The following ANO1 variants were observed in gnomAD, a reference collection of about 807,000 sequenced individuals.
ANO1 encodes the protein anoctamin-1.
ANO1 carries 59 observed loss-of-function variants against 124.0 expected under a neutral mutation model. That is an observed-to-expected ratio of 0.48 (90% CI 0.39 to 0.59). ANO1 has a LOEUF of 0.59. ANO1 is among the 20% of genes least tolerant of loss of function. ANO1 has a pLI of 0.00. For synonymous variants in ANO1, 529 were observed against 532.0 expected (o/e 0.99, Z 0.08); for missense variants, 1,059 against 1,328.0 (o/e 0.80, Z 3.15).
At chr11:70,010,055 G>C (rs1856562186) in intron 1 of ANO1, among the ~76,000 whole-genome samples, 1 of 151,292 alleles carries the variant, frequency 6.6e-6, no homozygotes, top group Admixed American at 6.6e-5. Flanking sequence ...ACTTCCCTTA[G>C]AATAATGATC....
chr11:70,028,012 G>A (rs2046997), intron 1 of ANO1, among the ~76,000 whole-genome samples: 117,165 of 152,180 alleles, frequency 0.77, 45,428 homozygotes, highest in East Asian at 0.94. Flanking sequence ...GGTTTTTTAA[G>A]AAGCATTTTC....
At chr11:70,145,890 T>A (rs2047353787) in intron 11 of ANO1, among the ~76,000 whole-genome samples, 1 of 137,652 alleles carries the variant, frequency 7.3e-6, no homozygotes, top group Admixed American at 8.3e-5. Context: ...TGAGCTGAGA[T>A]CACACCACTG....
intron 1 of ANO1, among the ~76,000 whole-genome samples, chr11:69,989,460 G>T (rs1856112220): frequency 6.6e-6 from 1 of 152,040 alleles, no homozygotes; most frequent in Non-Finnish European, 1.5e-5. Context: ...TCTTGAGTGT[G>T]CTGGATGGAT....
intron 1 of ANO1, chr11:70,018,086 G>A (rs1381286043): frequency 5.3e-5 from 8 of 152,168 alleles, no homozygotes; most frequent in African/African-American, 1.9e-4. Flanking sequence ...CAGGCATGGT[G>A]GCTCATGCCT....
intron 4 of ANO1, 149 bp from the exon 5 acceptor site, chr11:70,105,585 C>T (rs890199382): frequency 2.5e-5 from 17 of 693,866 alleles, no homozygotes; most frequent in Admixed American, 1.4e-4. Context: ...TGCCCAGGGG[C>T]GGACGGGTCA....
intron 11 of ANO1, 47 bp downstream of exon 11, chr11:70,132,126 G>C (rs1003801335): frequency 9.8e-6 from 15 of 1,537,434 alleles, no homozygotes; most frequent in Non-Finnish European, 1.3e-5. Context: ...TGGTGAGTCT[G>C]AGTGGTACCT....
chr11:70,030,032 C>T (rs1228332089), intron 1 of ANO1, among the ~76,000 whole-genome samples: 1 of 152,168 alleles, frequency 6.6e-6, no homozygotes, highest in African/African-American at 2.4e-5. Flanking sequence ...CAAATGGCTC[C>T]TAGGTGGTGC....
the ANO1 span, among the ~76,000 whole-genome samples, chr11:69,968,749 GGGGGCTC>G: frequency 6.6e-6 from 1 of 152,218 alleles, no homozygotes; most frequent in Non-Finnish European, 1.5e-5. Context: ...CAAGGGCAGA[GGGGGCTC>G]AGAGGCCAGC....
intron 1 of ANO1, among the ~76,000 whole-genome samples, chr11:70,030,539 G>A (rs1591045517): frequency 6.6e-6 from 1 of 152,312 alleles, no homozygotes; most frequent in African/African-American, 2.4e-5. Flanking sequence ...CACAGGCTCC[G>A]TCCCTGCCGC....
At chr11:70,008,067 A>C (rs1366829075) in intron 1 of ANO1, among the ~76,000 whole-genome samples, 2 of 152,108 alleles carry the variant, frequency 1.3e-5, no homozygotes, top group African/African-American at 2.4e-5. Flanking sequence ...CTTTAGAGAA[A>C]TGTCTATTAA....
At chr11:70,123,290 A>C (rs1448768597) in intron 8 of ANO1, among the ~76,000 whole-genome samples, 1 of 152,144 alleles carries the variant, frequency 6.6e-6, no homozygotes, top group Non-Finnish European at 1.5e-5. Flanking sequence ...TCTCAGGAAT[A>C]CGCCCTCCAC....
At chr11:70,044,163 C>A (rs188170705) in intron 1 of ANO1, among the ~76,000 whole-genome samples, 5 of 151,514 alleles carry the variant, frequency 3.3e-5, no homozygotes, top group African/African-American at 9.7e-5. Context: ...AACTCAAAAG[C>A]GACCACTAAA....
chr11:70,036,194 C>A (rs1857090517), intron 1 of ANO1, among the ~76,000 whole-genome samples: 1 of 152,156 alleles, frequency 6.6e-6, no homozygotes, highest in Non-Finnish European at 1.5e-5. Context: ...GAGTAGAATC[C>A]TTCCTTGCCC....
intron 1 of ANO1, among the ~76,000 whole-genome samples, chr11:69,988,857 C>A (rs1201783517): frequency 6.6e-6 from 1 of 152,060 alleles, no homozygotes; most frequent in Non-Finnish European, 1.5e-5. Flanking sequence ...TGGAAATCAA[C>A]CCACATGCCT....
chr11:70,121,502 T>C (rs2046269170), intron 8 of ANO1, among the ~76,000 whole-genome samples: 1 of 146,550 alleles, frequency 6.8e-6, no homozygotes, highest in Non-Finnish European at 1.5e-5. Context: ...TCTCTGTCTG[T>C]CTCTCTATCT....
chr11:70,118,560 T>A (rs2046088526), intron 8 of ANO1, among the ~76,000 whole-genome samples: 1 of 144,086 alleles, frequency 6.9e-6, no homozygotes, highest in African/African-American at 2.6e-5. Context: ...GAATGATGGA[T>A]AATGGATGGA....
intron 1 of ANO1, among the ~76,000 whole-genome samples, chr11:70,081,108 C>T (rs2044187376): frequency 6.6e-6 from 1 of 152,220 alleles, no homozygotes; most frequent in Admixed American, 6.5e-5. Context: ...GCTGCGGTTC[C>T]CAGCCTGTGA....
chr11:70,081,203 A>C (rs1397008113), intron 1 of ANO1, among the ~76,000 whole-genome samples: 1 of 152,228 alleles, frequency 6.6e-6, no homozygotes, highest in African/African-American at 2.4e-5. Flanking sequence ...ATGACTTGAA[A>C]GCCAGAGGCC....
At position 70,084,796 on chromosome 11, in the gene ANO1, G is replaced by A. The variant is rs149189063; in HGVS notation, c.109-2956G>A. 2.2e-3 allele frequency among the ~76,000 whole-genome samples: 341 copies of A among 152,292 alleles called. 3 individuals are homozygous for A. Among genetic ancestry groups the A allele is most frequent in the African/African-American group, 6.9e-3 (288 of 41,546 alleles). On this transcript the variant is annotated intron_variant, in intron 1 of 25. Coordinates refer to ENST00000355303, the MANE Select transcript of ANO1 (RefSeq NM_018043.7). ...TGCCCCAGGCTGGGACAGAACTGAGGCCTGCTAAATTGCTGCACTCTCCCC... is the reference window on the plus strand; with the variant it reads ...TGCCCCAGGCTGGGACAGAACTGAGACCTGCTAAATTGCTGCACTCTCCCC...
Sources: gnomAD v4.1 joint callset for allele counts (sites outside exome capture counted in the v4.1 genomes callset) on GRCh38, gnomAD v4.1.1 for gene constraint, MANE v1.5 for transcripts, NCBI Gene and HGNC (gene_info 2026-07-23, HGNC 2026-07-21) for gene names.